CNTNAP2: variants seen among roughly 807,000 people sequenced by gnomAD.
The protein encoded by CNTNAP2 is contactin-associated protein-like 2.
In CNTNAP2, 98 loss-of-function variants were observed where a neutral mutation model predicts 155.2. The ratio of observed to expected loss-of-function variants is 0.63; its 90% CI spans 0.54 to 0.75. The LOEUF (loss-of-function observed/expected upper bound fraction) is 0.75. Among genes scored for constraint, CNTNAP2 ranks in the 30% least tolerant of loss-of-function variants. The pLI is 0.00. For missense variants in CNTNAP2, 1,727 were observed against 1,688.1 expected (o/e 1.02, Z -0.40); for synonymous variants, 651 against 631.2 (o/e 1.03, Z -0.47).
At chr7:148,022,424 G>C (rs111649466) in intron 15 of CNTNAP2, among the ~76,000 whole-genome samples, 71 of 149,214 alleles carry the variant, frequency 4.8e-4, no homozygotes, top group African/African-American at 1.7e-3. Context: ...AGCCGAGATC[G>C]TGCCACTGCC....
intron 9 of CNTNAP2, among the ~76,000 whole-genome samples, chr7:147,312,299 T>C (rs1487279374): frequency 1.3e-5 from 2 of 152,006 alleles, no homozygotes; most frequent in African/African-American, 2.4e-5. Flanking sequence ...TTAGGGTACA[T>C]GTGCACAATG....
chr7:147,930,373 G>A lies in CNTNAP2; in HGVS notation c.2255+26652G>A, dbSNP rs183439937. Among the ~76,000 whole-genome samples, 109 of 152,290 alleles carry A rather than the reference G, an allele frequency of 7.2e-4. 1 individual carries two copies. Among genetic ancestry groups the A allele is most frequent in the African/African-American group, 2.5e-3 (105 of 41,558 alleles). On this transcript the variant is annotated intron_variant, in intron 14 of 23. Transcript: ENST00000361727. ...GTTTAAAGACACACATAGGCTGAAT[G>A]TGATAGGATGAACAAATGATAATCT...
chr7:147,151,981 A>T (rs2116432426), intron 8 of CNTNAP2, among the ~76,000 whole-genome samples: 1 of 152,212 alleles, frequency 6.6e-6, no homozygotes, highest in East Asian at 1.9e-4. Flanking sequence ...ATTTTCCCTG[A>T]TCTAGTTATG....
chr7:147,047,705 C>A lies in CNTNAP2; in HGVS notation c.550+3651C>A, dbSNP rs529668749. Among the ~76,000 whole-genome samples the A allele has an allele frequency of 1.4e-3, 207 of 152,222 alleles. 1 individual carries two copies. The highest frequency in any genetic ancestry group is 4.5e-3 in the African/African-American group (189 of 41,542). On this transcript the variant is annotated intron_variant, in intron 4 of 23. Transcript: ENST00000361727. Reference sequence around the variant, plus strand: ...GTGACCACATGTTCTGTAATTGTTACAAGTAGATTTATAAAGTTGTGAGTT... The same window carrying A: ...GTGACCACATGTTCTGTAATTGTTAAAAGTAGATTTATAAAGTTGTGAGTT...
intron 10 of CNTNAP2, among the ~76,000 whole-genome samples, chr7:147,475,648 T>C (rs1275414493): frequency 6.6e-6 from 1 of 152,120 alleles, no homozygotes; most frequent in African/African-American, 2.4e-5. Flanking sequence ...AAAAAAAAAA[T>C]ATGTAGTCAA....
intron 12 of CNTNAP2, among the ~76,000 whole-genome samples, chr7:147,574,407 T>C (rs1190130268): frequency 1.3e-5 from 2 of 152,098 alleles, no homozygotes. Flanking sequence ...GTAACAATTA[T>C]GTCCTGGCTT....
chr7:147,544,253 T>A (rs1799690420), intron 11 of CNTNAP2, among the ~76,000 whole-genome samples: 2 of 152,082 alleles, frequency 1.3e-5, no homozygotes, highest in Non-Finnish European at 2.9e-5. Flanking sequence ...AAACTGCTCT[T>A]AGAAATATAA....
intron 1 of CNTNAP2, among the ~76,000 whole-genome samples, chr7:146,323,816 G>C (rs1801048469): frequency 6.6e-6 from 1 of 152,084 alleles, no homozygotes; most frequent in African/African-American, 2.4e-5. Context: ...AGAACACATA[G>C]AGTTCCTTAT....
At chr7:146,751,312 C>T (rs1337138367) in intron 1 of CNTNAP2, among the ~76,000 whole-genome samples, 2 of 152,142 alleles carry the variant, frequency 1.3e-5, no homozygotes, top group Non-Finnish European at 2.9e-5. Flanking sequence ...ACCTAACATC[C>T]TTACGTGAGA....
At chr7:146,618,919 A>G (rs769406603) in intron 1 of CNTNAP2, among the ~76,000 whole-genome samples, 3 of 152,018 alleles carry the variant, frequency 2.0e-5, no homozygotes, top group Non-Finnish European at 4.4e-5. Flanking sequence ...AAGATACAAA[A>G]ATTAGCCGGG....
intron 9 of CNTNAP2, among the ~76,000 whole-genome samples, chr7:147,347,819 G>T (rs1270032196): frequency 6.6e-6 from 1 of 151,914 alleles, no homozygotes; most frequent in Non-Finnish European, 1.5e-5. Flanking sequence ...CATAATACTG[G>T]CCTTAAAACA....
intron 8 of CNTNAP2, among the ~76,000 whole-genome samples, chr7:147,223,267 T>C (rs1302227543): frequency 1.3e-5 from 2 of 152,134 alleles, no homozygotes; most frequent in Non-Finnish European, 2.9e-5. Context: ...CTCTAAACAT[T>C]TCCACCCACT....
intron 1 of CNTNAP2, among the ~76,000 whole-genome samples, chr7:146,291,566 G>C (rs541877289): frequency 6.6e-6 from 1 of 152,188 alleles, no homozygotes; most frequent in African/African-American, 2.4e-5. Context: ...ACAATTTGCT[G>C]CCCCATGTTC....
At chr7:148,253,785 A>C (rs962653359) in intron 20 of CNTNAP2, among the ~76,000 whole-genome samples, 1 of 152,192 alleles carries the variant, frequency 6.6e-6, no homozygotes, top group African/African-American at 2.4e-5. Flanking sequence ...AGACATCCCC[A>C]GCTGACATGA....
At chr7:147,619,607 G>T (rs115051861) in intron 12 of CNTNAP2, among the ~76,000 whole-genome samples, 3,221 of 152,324 alleles carry the variant, frequency 0.021, 233 homozygotes, top group Admixed American at 0.15. Flanking sequence ...TGGAAGGAGA[G>T]AGAAGAGTGG....
chr7:146,863,635 T>C (rs982140096), intron 3 of CNTNAP2, among the ~76,000 whole-genome samples: 1 of 152,120 alleles, frequency 6.6e-6, no homozygotes, highest in Non-Finnish European at 1.5e-5. Flanking sequence ...ATTAGTACTA[T>C]GCTATTTGCT....
intron 1 of CNTNAP2, among the ~76,000 whole-genome samples, chr7:146,385,416 A>G (rs1795446399): frequency 1.3e-5 from 2 of 152,180 alleles, no homozygotes; most frequent in Non-Finnish European, 2.9e-5. Flanking sequence ...ACAAAATGCA[A>G]AGAATACCCA....
intron 1 of CNTNAP2, among the ~76,000 whole-genome samples, chr7:146,463,578 A>G (rs571039316): frequency 6.6e-6 from 1 of 152,232 alleles, no homozygotes; most frequent in South Asian, 2.1e-4. Flanking sequence ...ATACGTACAT[A>G]TATACATACG....
At chr7:148,176,509 A>C (rs1209586237) in intron 18 of CNTNAP2, among the ~76,000 whole-genome samples, 4 of 152,090 alleles carry the variant, frequency 2.6e-5, no homozygotes, top group Admixed American at 6.6e-5. Flanking sequence ...ATGAGCCACC[A>C]CACCCAGCCC....
Sources: gnomAD v4.1 joint callset for allele counts (sites outside exome capture counted in the v4.1 genomes callset) on GRCh38, gnomAD v4.1.1 for gene constraint, MANE v1.5 for transcripts, NCBI Gene and HGNC (gene_info 2026-07-23, HGNC 2026-07-21) for gene names.